Variants in FHIP1B observed in about 807,000 individuals in gnomAD.
FHIP1B encodes FHF complex subunit HOOK interacting protein 1B.
In FHIP1B, 28 loss-of-function variants were observed where a neutral mutation model predicts 82.2. That is an observed-to-expected ratio of 0.34 (90% CI 0.25 to 0.47). The LOEUF (loss-of-function observed/expected upper bound fraction) is 0.47, where lower values mean the gene tolerates loss of function less well. FHIP1B is among the 20% of genes least tolerant of loss of function. The pLI is 1.00. For missense variants in FHIP1B, 1,110 were observed against 1,262.6 expected, an observed-to-expected ratio of 0.88 and a Z score of 1.83; for synonymous variants, 585 against 516.1, an observed-to-expected ratio of 1.13 and a Z score of -1.81.
intron 1 of FHIP1B, among the ~76,000 whole-genome samples, chr11:6,227,910 T>C (rs1847603886): frequency 6.6e-6 from 1 of 152,192 alleles, no homozygotes; most frequent in Non-Finnish European, 1.5e-5. Flanking sequence ...CCATAGTGTA[T>C]AGTTCTATAG....
intron 11 of FHIP1B, among the ~76,000 whole-genome samples, chr11:6,212,598 A>G (rs911307821): frequency 6.6e-6 from 1 of 152,196 alleles, no homozygotes; most frequent in Non-Finnish European, 1.5e-5. Flanking sequence ...GCCATTCAAA[A>G]CAACGTCCTC....
Position 6,218,160 on chromosome 11 carries a change from GA to G in FHIP1B, c.1436-11del. The stretch of plus-strand genomic sequence containing the variant: ...CTTGGGCTTCCAGGACCTGCAAAGG[GA>G]AAAAATATAAGAGAAATCAAGGAGA... On this transcript the variant is annotated splice_polypyrimidine_tract_variant and intron_variant, in intron 8 of 11. Coordinates refer to ENST00000449352, the MANE Select transcript of FHIP1B (RefSeq NM_001098794.2). 1 of 1,603,628 alleles carries G rather than the reference GA, an allele frequency of 6.2e-7. No homozygotes were observed. The highest frequency in any genetic ancestry group is 8.5e-7 in the Non-Finnish European group (1 of 1,175,300).
chr11:6,221,253 T>TA (rs1847398273), intron 6 of FHIP1B, among the ~76,000 whole-genome samples: 2 of 152,120 alleles, frequency 1.3e-5, no homozygotes, highest in African/African-American at 4.8e-5. Context: ...GGAACTCTAC[T>TA]ATCTAGTATC....
At position 6,219,053 on chromosome 11, in the gene FHIP1B, G is replaced by C; in HGVS notation, c.1192-3C>G. 2 of 1,604,778 alleles carry C rather than the reference G, an allele frequency of 1.2e-6. No homozygotes were observed. The highest frequency in any genetic ancestry group is 1.7e-6 in the Non-Finnish European group (2 of 1,173,076). ...AGACTCAGAGAGACCATGCAGAGCTGGGGGGGTGGAGGGGAGGGAGGGAGT... is the reference window on the plus strand; with the variant it reads ...AGACTCAGAGAGACCATGCAGAGCTCGGGGGGTGGAGGGGAGGGAGGGAGT... On this transcript the variant is annotated splice_region_variant and splice_polypyrimidine_tract_variant and intron_variant, in intron 6 of 11. Transcript: ENST00000449352.
chr11:6,229,629 G>A (rs1056269695), intron 1 of FHIP1B, among the ~76,000 whole-genome samples: 1 of 152,108 alleles, frequency 6.6e-6, no homozygotes, highest in Non-Finnish European at 1.5e-5. Flanking sequence ...CTCCTACCTT[G>A]CAGTATACCT....
chr11:6,211,974 G>C, intron 11 of FHIP1B, 107 bp from the exon 12 acceptor site: 1 of 1,440,998 alleles, frequency 6.9e-7, no homozygotes. Flanking sequence ...CTCCTTTAGG[G>C]TTCTGAGGAA....
chr11:6,214,522 C>A lies in FHIP1B; in HGVS notation c.2446G>T (p.Asp816Tyr). ...GCTTTGGACAGCAGTGCTGGGAAGTCCTCCTGGGAAGCCGCAAAGTTCTCA... is the reference window on the plus strand; with the variant it reads ...GCTTTGGACAGCAGTGCTGGGAAGTACTCCTGGGAAGCCGCAAAGTTCTCA... ...KIENFAASQE[D>Y]FPALLSKAKK... Residue 816 changes from aspartate (D) to tyrosine (Y), a missense_variant, in exon 11 of 12, where the codon GAC (aspartate) becomes TAC (tyrosine). Coordinates refer to ENST00000449352, the MANE Select transcript of FHIP1B (RefSeq NM_001098794.2). 1 of 1,614,080 alleles carries A rather than the reference C, an allele frequency of 6.2e-7. No individual in the cohort carries two copies. The highest frequency in any genetic ancestry group is 1.1e-5 in the South Asian group (1 of 91,078).
chr11:6,223,044 C>T lies in FHIP1B; in HGVS notation c.936+36G>A, dbSNP rs745831698. On this transcript the variant is annotated intron_variant, in intron 4 of 11. Coordinates refer to ENST00000449352, the MANE Select transcript of FHIP1B (RefSeq NM_001098794.2). The surrounding 1 kb of genome is among the most constrained non-coding windows in gnomAD (Gnocchi z 4.8). The stretch of plus-strand genomic sequence containing the variant: ...GAATATACCCCCTCCTACCTAATCT[C>T]CCAAAAATGACCAAGGGCCAGACTT... 3.8e-6 allele frequency: 6 copies of T among 1,571,064 alleles called. No homozygotes were observed. In the East Asian group the frequency reaches 1.1e-4, roughly 29 times the overall value.
chr11:6,212,642 T>G (rs1480007408), intron 11 of FHIP1B, among the ~76,000 whole-genome samples: 1 of 152,242 alleles, frequency 6.6e-6, no homozygotes, highest in Non-Finnish European at 1.5e-5. Context: ...TTTCTGGGTC[T>G]GGATCCATAT....
chr11:6,224,334 C>T, intron 2 of FHIP1B, 45 bp downstream of exon 2: 4 of 1,614,206 alleles, frequency 2.5e-6, no homozygotes, highest in Non-Finnish European at 1.7e-6. Context: ...GCTGGGAGAA[C>T]TCAGGTGATC....
chr11:6,218,113 C>T lies in FHIP1B; in HGVS notation c.1473G>A (p.Thr491=), dbSNP rs373679132. Residue 491 remains threonine (T), a synonymous_variant, in exon 9 of 12, where the codon ACG becomes ACA. Coordinates refer to ENST00000449352, the MANE Select transcript of FHIP1B (RefSeq NM_001098794.2). ...ATGGTGTGGAGGGCCGGGGTACTGT[C>T]GTCACAGAAGAGGAGTCCACACTTG... ...GSPSVDSSSV[T]TVPRPSTPSR... 9.0e-5 allele frequency: 145 copies of T among 1,613,076 alleles called. 1 individual carries two copies. Among genetic ancestry groups the T allele is most frequent in the Non-Finnish European group, 1.1e-4 (131 of 1,179,568 alleles).
At chr11:6,230,404 T>C (rs1847667577) in intron 1 of FHIP1B, among the ~76,000 whole-genome samples, 1 of 152,194 alleles carries the variant, frequency 6.6e-6, no homozygotes, top group Non-Finnish European at 1.5e-5. Context: ...CCCTAAATAC[T>C]GGAAGTTGAA....
intron 10 of FHIP1B, 55 bp downstream of exon 10, chr11:6,214,678 C>T (rs896522265): frequency 3.4e-5 from 53 of 1,543,392 alleles, no homozygotes; most frequent in East Asian, 2.7e-4. Context: ...ACTCCAGCTG[C>T]GGGCCTGGCC....
Position 6,214,487 on chromosome 11 carries a change from G to T in FHIP1B, c.2481C>A (p.Tyr827Ter). Reference sequence around the variant, plus strand: ...AGTCCAACTTGCCACGGGCAATGAGGTACTTCTTGGCTTTGGACAGCAGTG... The same window carrying T: ...AGTCCAACTTGCCACGGGCAATGAGTTACTTCTTGGCTTTGGACAGCAGTG... ...FPALLSKAKK[Y>*]LIARGKLDWA... is the part of the protein sequence containing the mutation. Residue 827 changes from tyrosine to a stop codon, truncating the protein, a stop_gained, in exon 11 of 12, where the codon TAC becomes TAA. Transcript: ENST00000449352. LOFTEE classifies it high-confidence loss of function. 6.2e-7 allele frequency: 1 copy of T among 1,614,180 alleles called. No homozygotes were observed. The highest frequency in any genetic ancestry group is 8.5e-7 in the Non-Finnish European group (1 of 1,180,028).
intron 6 of FHIP1B, among the ~76,000 whole-genome samples, chr11:6,222,044 A>G (rs1847422624): frequency 6.6e-6 from 1 of 152,232 alleles, no homozygotes; most frequent in Non-Finnish European, 1.5e-5. Flanking sequence ...CAAGCATATC[A>G]GTAGCACCTG....
rs1323299981 is a variant in FHIP1B at position 6,222,520 on chromosome 11, C to T, written c.1113G>A (p.Leu371=). The part of the protein sequence containing the change: ...ISEPALLRTF[L]RFLLLHRHDT... The stretch of plus-strand genomic sequence containing the variant: ...CATGCCGGTGCAACAACAGGAATCG[C>T]AGGAAGGTACGGAGCAAAGCAGGCT... The change falls in exon 6 of 12, where the codon CTG becomes CTA. Residue 371 remains leucine (L), a synonymous_variant. Transcript: ENST00000449352. 2 of 1,613,994 alleles carry T rather than the reference C, an allele frequency of 1.2e-6. No homozygotes were observed. The highest frequency in any genetic ancestry group is 3.3e-5 in the Admixed American group (2 of 59,994).
intron 11 of FHIP1B, among the ~76,000 whole-genome samples, chr11:6,212,203 T>G (rs1564856267): frequency 6.6e-6 from 1 of 152,156 alleles, no homozygotes; most frequent in Admixed American, 6.5e-5. Flanking sequence ...CATTCCCAGT[T>G]AAGATCCATT....
At chr11:6,214,357 G>A in intron 11 of FHIP1B, 54 bp downstream of exon 11, 2 of 1,534,574 alleles carry the variant, frequency 1.3e-6, no homozygotes, top group East Asian at 2.3e-5. Context: ...AATTAACCTG[G>A]GTTAATAGGC....
intron 9 of FHIP1B, chr11:6,216,453 T>TGG (rs1590609568): frequency 6.5e-6 from 1 of 153,038 alleles, no homozygotes; most frequent in African/African-American, 2.4e-5. Flanking sequence ...TATGCATCTA[T>TGG]GGCAGAGATG....
Sources: gnomAD v4.1 joint callset for allele counts (sites outside exome capture counted in the v4.1 genomes callset) on GRCh38, gnomAD v4.1.1 for gene constraint, Gnocchi (gnomAD v3.1) non-coding constraint, MANE v1.5 for transcripts, NCBI Gene and HGNC (gene_info 2026-07-23, HGNC 2026-07-21) for gene names.